MVB12B: variants seen among roughly 807,000 people sequenced by gnomAD.
The protein encoded by MVB12B is ESCRT-I complex subunit MVB12B.
Under a neutral mutation model 41.6 loss-of-function variants are expected in MVB12B, and 16 were observed. The ratio of observed to expected loss-of-function variants is 0.38; its 90% CI spans 0.26 to 0.58. The LOEUF (loss-of-function observed/expected upper bound fraction) is 0.58. Ranked by LOEUF, MVB12B falls within the 20% of genes least tolerant of loss-of-function variation. The pLI is 0.62. For missense variants in MVB12B, 274 were observed against 380.2 expected (o/e 0.72, Z 2.32); for synonymous variants, 133 against 139.7 (o/e 0.95, Z 0.34).
chr9:126,362,534 T>C (rs1002559604), intron 2 of MVB12B, among the ~76,000 whole-genome samples: 1 of 152,202 alleles, frequency 6.6e-6, no homozygotes, highest in Non-Finnish European at 1.5e-5. Context: ...TGACTGAAAT[T>C]GAAAATCCTG....
intron 7 of MVB12B, among the ~76,000 whole-genome samples, chr9:126,463,184 G>T (rs559799463): frequency 8.5e-5 from 13 of 152,142 alleles, no homozygotes; most frequent in Admixed American, 2.0e-4. Flanking sequence ...CAGTCCTGCT[G>T]GTTGGAAACA....
At position 126,340,482 on chromosome 9, in the gene MVB12B, G is replaced by A. The variant is rs1394836512; in HGVS notation, c.82-26G>A. The stretch of plus-strand genomic sequence containing the variant: ...CATAAATGCTATGTTTGAATTTTGT[G>A]TTTTCTTTTTCCTTTGCTGAACCAG... On this transcript the variant is annotated intron_variant, in intron 1 of 9. Coordinates refer to ENST00000361171, the MANE Select transcript of MVB12B (RefSeq NM_033446.3). This position sits in a 1 kb window ranked among gnomAD's most constrained non-coding sequence, Gnocchi z 4.0. The A allele has an allele frequency of 1.9e-6, 3 of 1,611,586 alleles. No individual in the cohort carries two copies. The highest frequency in any genetic ancestry group is 2.7e-5 in the African/African-American group (2 of 74,748).
At chr9:126,470,383 G>C (rs1441753553) in intron 7 of MVB12B, among the ~76,000 whole-genome samples, 1 of 152,200 alleles carries the variant, frequency 6.6e-6, no homozygotes, top group East Asian at 1.9e-4. Flanking sequence ...TGTGTGTCGA[G>C]TTTCTTGTGG....
chr9:126,484,206 C>T (rs957856907), intron 9 of MVB12B, among the ~76,000 whole-genome samples, 174 bp downstream of exon 9: 1 of 152,230 alleles, frequency 6.6e-6, no homozygotes, highest in African/African-American at 2.4e-5. Flanking sequence ...GATAAAGTAA[C>T]TAAATTCTAA....
chr9:126,444,937 A>G (rs1246751464), intron 7 of MVB12B, among the ~76,000 whole-genome samples: 10 of 152,194 alleles, frequency 6.6e-5, no homozygotes, highest in Admixed American at 5.9e-4. Context: ...GCATATTCCA[A>G]TGGGAGGGTC....
At position 126,405,647 on chromosome 9, in the gene MVB12B, C is replaced by T. The variant is rs1178048368; in HGVS notation, c.662+9950C>T. On this transcript the variant is annotated intron_variant, in intron 6 of 9. Transcript: ENST00000361171. ...TACCCCCCGCCCCAACTATGCTGCT[C>T]TATTTCGATGCAGAGTTTCAATTAT... Among the ~76,000 whole-genome samples, 4 of 150,848 alleles carry T rather than the reference C, an allele frequency of 2.7e-5. No individual in the cohort carries two copies. The South Asian group carries it at 8.5e-4, about 32-fold the overall frequency.
chr9:126,407,154 T>C (rs548735141), intron 6 of MVB12B, among the ~76,000 whole-genome samples: 9 of 152,288 alleles, frequency 5.9e-5, no homozygotes, highest in African/African-American at 2.2e-4. Flanking sequence ...TCTGAGCAAA[T>C]ATCTAGCCCA....
At chr9:126,375,747 A>C (rs1467248454) in intron 2 of MVB12B, among the ~76,000 whole-genome samples, 2 of 152,204 alleles carry the variant, frequency 1.3e-5, no homozygotes, top group African/African-American at 2.4e-5. Context: ...CTACCCTCAC[A>C]CTTAATCGAT....
intron 2 of MVB12B, among the ~76,000 whole-genome samples, chr9:126,358,338 C>CA (rs745370396): frequency 7.5e-4 from 101 of 133,786 alleles, no homozygotes; most frequent in South Asian, 6.5e-3. Flanking sequence ...TCAATTTTTA[C>CA]AAAAAAAAAA....
rs1404241625 is a variant in MVB12B at position 126,436,505 on chromosome 9, A to G, written c.757+14557A>G. On this transcript the variant is annotated intron_variant, in intron 7 of 9. Coordinates refer to ENST00000361171, the MANE Select transcript of MVB12B (RefSeq NM_033446.3). This position sits in a 1 kb window ranked among gnomAD's most constrained non-coding sequence, Gnocchi z 4.1. The stretch of plus-strand genomic sequence containing the variant: ...GATTTGAAAAAGTCTGCCACTTAGT[A>G]TAAAAGTGAAAAGGTTACGTGTACT... 6.6e-6 allele frequency among the ~76,000 whole-genome samples: 1 copy of G among 152,270 alleles called. No individual in the cohort carries two copies. The highest frequency in any genetic ancestry group is 6.5e-5 in the Admixed American group (1 of 15,288).
At chr9:126,420,854 G>A (rs1329295793) in intron 6 of MVB12B, among the ~76,000 whole-genome samples, 1 of 152,064 alleles carries the variant, frequency 6.6e-6, no homozygotes, top group East Asian at 1.9e-4. Context: ...TCCCAGGAGT[G>A]TTTATGCACA....
intron 3 of MVB12B, among the ~76,000 whole-genome samples, chr9:126,382,315 A>T (rs960325502): frequency 3.9e-5 from 6 of 152,120 alleles, no homozygotes; most frequent in Admixed American, 6.5e-5. Flanking sequence ...GTTTGTGGTT[A>T]ATTCTTTGAT....
chr9:126,344,864 A>G (rs1025343473), intron 2 of MVB12B, among the ~76,000 whole-genome samples: 3 of 152,214 alleles, frequency 2.0e-5, no homozygotes, highest in East Asian at 3.8e-4. Flanking sequence ...GGGGCCACAC[A>G]CATCCTTTAA....
rs1830215210 is a variant in MVB12B at position 126,367,502 on chromosome 9, A to C, written c.205-13562A>C. ...TGCCCCTACTTCGTTTCTGCCTGCC[A>C]GCACTTTATGATGCATCCCACCTGA... On this transcript the variant is annotated intron_variant, in intron 2 of 9. Transcript: ENST00000361171. This position sits in a 1 kb window ranked among gnomAD's most constrained non-coding sequence, Gnocchi z 4.3. 6.6e-6 allele frequency among the ~76,000 whole-genome samples: 1 copy of C among 152,168 alleles called. No homozygotes were observed. The highest frequency in any genetic ancestry group is 2.4e-5 in the African/African-American group (1 of 41,442).
rs1378788881 is a variant in MVB12B, at chr9:126,386,655, A to G, written c.406A>G (p.Thr136Ala). Reference protein sequence around the residue: ...GFIPIQETVDTQEVAFRKKRL... With the variant: ...GFIPIQETVDAQEVAFRKKRL... Reference sequence around the variant, plus strand: ...CATCCCAATTCAGGAGACGGTGGACACACGTGAGTCATCCTTTAGTAGCAC... The same window carrying G: ...CATCCCAATTCAGGAGACGGTGGACGCACGTGAGTCATCCTTTAGTAGCAC... Residue 136 changes from threonine to alanine, a missense_variant, in exon 4 of 10, where the codon ACA (threonine) becomes GCA (alanine). Physicochemically the swap from Thr to Ala is moderately conservative, Grantham distance 58 (BLOSUM62 0). Coordinates refer to ENST00000361171, the MANE Select transcript of MVB12B (RefSeq NM_033446.3). The surrounding 1 kb of genome is among the most constrained non-coding windows in gnomAD (Gnocchi z 4.3). The G allele has an allele frequency of 6.2e-7, 1 of 1,609,670 alleles. No homozygotes were observed.
chr9:126,435,683 T>G (rs539450111), intron 7 of MVB12B, among the ~76,000 whole-genome samples: 1 of 151,462 alleles, frequency 6.6e-6, no homozygotes, highest in African/African-American at 2.4e-5. Flanking sequence ...AAAGTTTCTT[T>G]CCTTGCTCCA....
At chr9:126,342,300 C>T (rs1490620657) in intron 2 of MVB12B, among the ~76,000 whole-genome samples, 2 of 152,172 alleles carry the variant, frequency 1.3e-5, no homozygotes, top group African/African-American at 4.8e-5. Flanking sequence ...CCCATCTTCC[C>T]ATGCCCTCTT....
At chr9:126,396,910 C>T (rs967372848) in intron 6 of MVB12B, 1 of 985,366 alleles carries the variant, frequency 1.0e-6, no homozygotes, top group African/African-American at 1.7e-5. Context: ...TCGCACTGCC[C>T]ATCAGCACTT....
chr9:126,412,439 C>T (rs572774831), intron 6 of MVB12B, among the ~76,000 whole-genome samples: 18 of 152,234 alleles, frequency 1.2e-4, no homozygotes, highest in African/African-American at 4.3e-4. Flanking sequence ...TTGTACATGA[C>T]CTCTGGTCTT....
Sources: gnomAD v4.1 joint callset for allele counts (sites outside exome capture counted in the v4.1 genomes callset) on GRCh38, gnomAD v4.1.1 for gene constraint, Gnocchi (gnomAD v3.1) non-coding constraint, MANE v1.5 for transcripts, NCBI Gene and HGNC (gene_info 2026-07-23, HGNC 2026-07-21) for gene names.